Variants in SOWAHC observed in about 807,000 individuals in gnomAD.
The protein encoded by SOWAHC is ankyrin repeat domain-containing protein SOWAHC.
In SOWAHC, 12 loss-of-function variants were observed where a neutral mutation model predicts 14.4. That is an observed-to-expected ratio of 0.83 (90% confidence interval 0.53 to 1.35). The LOEUF is 1.35. SOWAHC is among the 40% of genes most tolerant of loss of function. SOWAHC has a pLI of 0.00. For synonymous variants in SOWAHC, 398 were observed against 347.0 expected, an observed-to-expected ratio of 1.15 and a Z score of -1.63; for missense variants, 771 against 752.8, an observed-to-expected ratio of 1.02 and a Z score of -0.28.
In SOWAHC at chr2:109,616,199, C is replaced by T; in HGVS notation, c.*132C>T. On this transcript the variant is annotated 3_prime_UTR_variant, in exon 1 of 1. Transcript: ENST00000356454. ...ACTTGAGGGATCGGAATGGATGGGG[C>T]GGAGTTCTCTTCAGGCTAGCCTTCT... 7.5e-7 allele frequency: 1 copy of T among 1,330,210 alleles called. No homozygotes were observed. 82.4% of individuals were successfully genotyped at this position (1,330,210 alleles called of 1,614,324 possible).
In SOWAHC at chr2:109,618,940, T is replaced by C. The variant is rs1357397553; in HGVS notation, c.*2873T>C. On this transcript the variant is annotated 3_prime_UTR_variant, in exon 1 of 1. Transcript: ENST00000356454. Reference sequence around the variant, plus strand: ...TTTTAAATAAGTGAAATTTGGGAGATTGTAAAATCTGTAAAGTTTGTTTTG... The same window carrying C: ...TTTTAAATAAGTGAAATTTGGGAGACTGTAAAATCTGTAAAGTTTGTTTTG... The C allele has an allele frequency of 1.2e-5, 2 of 167,096 alleles. No homozygotes were observed. The highest frequency in any genetic ancestry group is 6.5e-5 in the Admixed American group (1 of 15,286). The allele number at this position is 167,096 out of a possible 1,614,324, so 10.4% of individuals were successfully genotyped here.
At position 109,615,015 on chromosome 2, in the gene SOWAHC, C is replaced by A. The variant is rs1700052883; in HGVS notation, c.526C>A (p.Leu176Met). 4 of 1,546,008 alleles carry A rather than the reference C, an allele frequency of 2.6e-6. No homozygotes were observed. The highest frequency in any genetic ancestry group is 2.6e-6 in the Non-Finnish European group (3 of 1,146,510). The change falls in exon 1 of 1, where the codon CTG becomes ATG. Residue 176 changes from leucine to methionine, a missense_variant. Coordinates refer to ENST00000356454, the MANE Select transcript of SOWAHC (RefSeq NM_023016.4). ...TCCAGCCCCGGGGCCCAGCGAGGAC[C>A]TGGAGCTCCCGCCACATGGCTGCGA... is the stretch of plus-strand genomic sequence containing the variant. Reference protein sequence around the residue: ...RTPAPGPSEDLELPPHGCEEA... With the variant: ...RTPAPGPSEDMELPPHGCEEA...
In SOWAHC at chr2:109,615,152, T is replaced by C; in HGVS notation, c.663T>C (p.Cys221=). The C allele has an allele frequency of 6.5e-7, 1 of 1,549,240 alleles. No individual in the cohort carries two copies. Among genetic ancestry groups the C allele is most frequent in the Non-Finnish European group, 8.7e-7 (1 of 1,146,708 alleles). ...CCCCGCAGCTGAAGAGGAGCGTGTG[T>C]CCCGGGGGCAGCAGCCCGGGCAGCT... ...GSSPQLKRSV[C]PGGSSPGSSS... Residue 221 remains cysteine (C), a synonymous_variant, in exon 1 of 1, where the codon TGT becomes TGC. Transcript: ENST00000356454.
At position 109,614,961 on chromosome 2, in the gene SOWAHC, C is replaced by G. The variant is rs1700046446; in HGVS notation, c.472C>G (p.Arg158Gly). 3 of 1,527,440 alleles carry G rather than the reference C, an allele frequency of 2.0e-6. No individual in the cohort carries two copies. The highest frequency in any genetic ancestry group is 5.0e-5 in the East Asian group (2 of 39,940). The allele number at this position is 1,527,440 out of a possible 1,614,324, so 94.6% of individuals were successfully genotyped here. ...LSAGARRKNSRRDVQPLPRTP... is the reference protein window; with the variant it reads ...LSAGARRKNSGRDVQPLPRTP... ...CGCCGGGGCTCGCAGGAAGAACTCGCGGCGCGACGTGCAGCCCCTACCGCG... is the reference window on the plus strand; with the variant it reads ...CGCCGGGGCTCGCAGGAAGAACTCGGGGCGCGACGTGCAGCCCCTACCGCG... Residue 158 changes from arginine (R) to glycine (G), a missense_variant, in exon 1 of 1, where the codon CGG (arginine) becomes GGG (glycine). By Grantham distance (125) the Arg-to-Gly change is moderately radical (BLOSUM62 -2). Coordinates refer to ENST00000356454, the MANE Select transcript of SOWAHC (RefSeq NM_023016.4).
At position 109,616,253 on chromosome 2, in the gene SOWAHC, TC is replaced by T. The variant is rs1700151753; in HGVS notation, c.*187del. ...AAAAGTGGATGTCTTTTTCAGAGAT[TC>T]ATCATACCTTGACCTGTACCTCTTC... On this transcript the variant is annotated 3_prime_UTR_variant, in exon 1 of 1. Transcript: ENST00000356454. 2 of 916,428 alleles carry T rather than the reference TC, an allele frequency of 2.2e-6. No homozygotes were observed. The highest frequency in any genetic ancestry group is 3.0e-6 in the Non-Finnish European group (2 of 672,548). 56.8% of individuals were successfully genotyped at this position (916,428 alleles called of 1,614,324 possible).
rs550070250 is a variant in SOWAHC at position 109,616,400 on chromosome 2, G to C, written c.*333G>C. The C allele has an allele frequency of 1.0e-5, 2 of 195,232 alleles. No individual in the cohort carries two copies. The highest frequency in any genetic ancestry group is 4.7e-5 in the African/African-American group (2 of 42,660). 12.1% of individuals were successfully genotyped at this position (195,232 alleles called of 1,614,324 possible). ...TCCTTTGCTTTAACCATTCCTGGAT[G>C]CCTGCAAAGTAAGGAATAATGCAGT... is the stretch of plus-strand genomic sequence containing the variant. On this transcript the variant is annotated 3_prime_UTR_variant, in exon 1 of 1. Coordinates refer to ENST00000356454, the MANE Select transcript of SOWAHC (RefSeq NM_023016.4).
chr2:109,618,757 C>A lies in SOWAHC; in HGVS notation c.*2690C>A, dbSNP rs1246233046. The A allele has an allele frequency of 6.0e-6, 1 of 166,966 alleles. No homozygotes were observed. The highest frequency in any genetic ancestry group is 1.5e-5 in the Non-Finnish European group (1 of 68,102). The allele number at this position is 166,966 out of a possible 1,614,324, so 10.3% of individuals were successfully genotyped here. A position where few individuals can be genotyped will look rare whatever the true frequency, so the allele number is the denominator to read the frequency against. The stretch of plus-strand genomic sequence containing the variant: ...ATGTGGTTAAAAAACCCAAGTATGT[C>A]CATGTGTTTCTTATAAGGTACACTT... On this transcript the variant is annotated 3_prime_UTR_variant, in exon 1 of 1. Transcript: ENST00000356454.
In SOWAHC at chr2:109,617,515, A is replaced by G. The variant is rs540634214; in HGVS notation, c.*1448A>G. On this transcript the variant is annotated 3_prime_UTR_variant, in exon 1 of 1. Transcript: ENST00000356454. ...TATAAGATTGGAAACAATTTTTGAGAGGGACTAATTTAAACAAGTCCTCCT... is the reference window on the plus strand; with the variant it reads ...TATAAGATTGGAAACAATTTTTGAGGGGGACTAATTTAAACAAGTCCTCCT... 6 of 167,208 alleles carry G rather than the reference A, an allele frequency of 3.6e-5. No homozygotes were observed. The East Asian group carries it at 1.2e-3, about 32-fold the overall frequency. 10.4% of individuals were successfully genotyped at this position (167,208 alleles called of 1,614,324 possible). A position where few individuals can be genotyped will look rare whatever the true frequency, so the allele number is the denominator to read the frequency against.
chr2:109,614,918 G>T lies in SOWAHC; in HGVS notation c.429G>T (p.Ala143=), dbSNP rs1174738139. Residue 143 remains alanine, a synonymous_variant, in exon 1 of 1, where the codon GCG becomes GCT. Coordinates refer to ENST00000356454, the MANE Select transcript of SOWAHC (RefSeq NM_023016.4). ...ELGEGEPPAP[A]HWPPLSAGAR... is the part of the protein sequence containing the mutation. ...GCGAGGGAGAGCCCCCCGCCCCCGCGCACTGGCCGCCCCTGAGCGCCGGGG... is the reference window on the plus strand; with the variant it reads ...GCGAGGGAGAGCCCCCCGCCCCCGCTCACTGGCCGCCCCTGAGCGCCGGGG... 2.0e-6 allele frequency: 3 copies of T among 1,472,502 alleles called. No homozygotes were observed. The highest frequency in any genetic ancestry group is 2.3e-5 in the Admixed American group (1 of 42,574). The allele number at this position is 1,472,502 out of a possible 1,614,324, so 91.2% of individuals were successfully genotyped here.
chr2:109,615,320 T>C lies in SOWAHC; in HGVS notation c.831T>C (p.Asp277=). ...ACGCGTGGATGCTCTCTGCCTCCGATGGCAAGTGGGACAGCCTGGAGGGCT... is the reference window on the plus strand; with the variant it reads ...ACGCGTGGATGCTCTCTGCCTCCGACGGCAAGTGGGACAGCCTGGAGGGCT... ...LEHAWMLSAS[D]GKWDSLEGLL... Residue 277 remains aspartate, a synonymous_variant, in exon 1 of 1, where the codon GAT becomes GAC. Coordinates refer to ENST00000356454, the MANE Select transcript of SOWAHC (RefSeq NM_023016.4). 1 of 1,610,084 alleles carries C rather than the reference T, an allele frequency of 6.2e-7. No individual in the cohort carries two copies. Among genetic ancestry groups the C allele is most frequent in the Non-Finnish European group, 8.5e-7 (1 of 1,178,932 alleles).
In SOWAHC at chr2:109,616,273, C is replaced by T. The variant is rs1700152166; in HGVS notation, c.*206C>T. On this transcript the variant is annotated 3_prime_UTR_variant, in exon 1 of 1. Coordinates refer to ENST00000356454, the MANE Select transcript of SOWAHC (RefSeq NM_023016.4). ...GAGATTCATCATACCTTGACCTGTA[C>T]CTCTTCTCTGCCCTCCACTTCCCTG... is the stretch of plus-strand genomic sequence containing the variant. 1 of 666,258 alleles carries T rather than the reference C, an allele frequency of 1.5e-6. No individual in the cohort carries two copies. The highest frequency in any genetic ancestry group is 2.2e-6 in the Non-Finnish European group (1 of 461,090). 41.3% of individuals were successfully genotyped at this position (666,258 alleles called of 1,614,324 possible). A position where few individuals can be genotyped will look rare whatever the true frequency, so the allele number is the denominator to read the frequency against.
Position 109,618,226 on chromosome 2 carries a change from T to C in SOWAHC, c.*2159T>C, listed in dbSNP as rs1351656494. The C allele has an allele frequency of 6.0e-6, 1 of 166,764 alleles. No homozygotes were observed. The highest frequency in any genetic ancestry group is 1.5e-5 in the Non-Finnish European group (1 of 68,108). 10.3% of individuals were successfully genotyped at this position (166,764 alleles called of 1,614,324 possible). Reference sequence around the variant, plus strand: ...GTCATTTGTTCTAAATCTATACATATTACTTGTATCTAGTGCAGAATAAGC... The same window carrying C: ...GTCATTTGTTCTAAATCTATACATACTACTTGTATCTAGTGCAGAATAAGC... On this transcript the variant is annotated 3_prime_UTR_variant, in exon 1 of 1. Coordinates refer to ENST00000356454, the MANE Select transcript of SOWAHC (RefSeq NM_023016.4).
In SOWAHC at chr2:109,615,062, C is replaced by G. The variant is rs1010267746; in HGVS notation, c.573C>G (p.Ser191=). The change falls in exon 1 of 1, where the codon TCC becomes TCG. Residue 191 remains serine (S), a synonymous_variant. Coordinates refer to ENST00000356454, the MANE Select transcript of SOWAHC (RefSeq NM_023016.4). ...HGCEEADRGS[S]LVGATAQRPA... is the part of the protein sequence containing the mutation. Reference sequence around the variant, plus strand: ...GCGAGGAGGCGGACAGGGGCAGCTCCCTTGTGGGGGCTACCGCACAGAGGC... The same window carrying G: ...GCGAGGAGGCGGACAGGGGCAGCTCGCTTGTGGGGGCTACCGCACAGAGGC... 3 of 1,549,208 alleles carry G rather than the reference C, an allele frequency of 1.9e-6. No individual in the cohort carries two copies. The African/African-American group carries it at 4.1e-5, about 21-fold the overall frequency.
At position 109,614,588 on chromosome 2, in the gene SOWAHC, G is replaced by A; in HGVS notation, c.99G>A (p.Glu33=). 7.0e-7 allele frequency: 1 copy of A among 1,420,034 alleles called. No individual in the cohort carries two copies. The highest frequency in any genetic ancestry group is 9.2e-7 in the Non-Finnish European group (1 of 1,089,008). 88.0% of individuals were successfully genotyped at this position (1,420,034 alleles called of 1,614,324 possible). The change falls in exon 1 of 1, where the codon GAG becomes GAA. Residue 33 remains glutamate (E), a synonymous_variant. Transcript: ENST00000356454. ...AERGGRALHA[E]LVQHFRGALG... is the part of the protein sequence containing the mutation. ...GCGGGGGCCGGGCCCTGCACGCCGA[G>A]CTGGTGCAGCACTTCAGGGGCGCCC... is the stretch of plus-strand genomic sequence containing the variant.
Position 109,614,612 on chromosome 2 carries a change from C to T in SOWAHC, c.123C>T (p.Ala41=), listed in dbSNP as rs1405465500. The change falls in exon 1 of 1, where the codon GCC becomes GCT. Residue 41 remains alanine, a synonymous_variant. Transcript: ENST00000356454. ...AGCTGGTGCAGCACTTCAGGGGCGC[C>T]CTAGGCGGCGAACCGGAGCAGCGCG... ...HAELVQHFRG[A]LGGEPEQRAR... The T allele has an allele frequency of 6.9e-6, 10 of 1,459,060 alleles. No homozygotes were observed. Among genetic ancestry groups the T allele is most frequent in the South Asian group, 1.3e-5 (1 of 76,114 alleles). The allele number at this position is 1,459,060 out of a possible 1,614,324, so 90.4% of individuals were successfully genotyped here.
Position 109,615,225 on chromosome 2 carries a change from T to C in SOWAHC, c.736T>C (p.Ser246Pro). 1 of 1,545,572 alleles carries C rather than the reference T, an allele frequency of 6.5e-7. No homozygotes were observed. The highest frequency in any genetic ancestry group is 8.7e-7 in the Non-Finnish European group (1 of 1,145,956). ...AGGCGGGGGCGACTCAGACAGCGCA[T>C]CGGTGGCCTCGTCGTCCGCGGAGGA... is the stretch of plus-strand genomic sequence containing the variant. The part of the protein sequence containing the change: ...GRGGGDSDSA[S>P]VASSSAEEES... The change falls in exon 1 of 1, where the codon TCG becomes CCG. Residue 246 changes from serine to proline, a missense_variant. Ser to Pro is a moderately conservative substitution (Grantham distance 74). Coordinates refer to ENST00000356454, the MANE Select transcript of SOWAHC (RefSeq NM_023016.4).
Position 109,615,017 on chromosome 2 carries a change from G to A in SOWAHC, c.528G>A (p.Leu176=), listed in dbSNP as rs918858069. 2.6e-6 allele frequency: 4 copies of A among 1,546,058 alleles called. No individual in the cohort carries two copies. The Admixed American group carries it at 7.8e-5, about 30-fold the overall frequency. The change falls in exon 1 of 1, where the codon CTG becomes CTA. Residue 176 remains leucine, a synonymous_variant. Coordinates refer to ENST00000356454, the MANE Select transcript of SOWAHC (RefSeq NM_023016.4). ...RTPAPGPSED[L]ELPPHGCEEA... ...CAGCCCCGGGGCCCAGCGAGGACCT[G>A]GAGCTCCCGCCACATGGCTGCGAGG...
Position 109,616,701 on chromosome 2 carries a change from T to G in SOWAHC, c.*634T>G, listed in dbSNP as rs1038513217. On this transcript the variant is annotated 3_prime_UTR_variant, in exon 1 of 1. Transcript: ENST00000356454. Reference sequence around the variant, plus strand: ...TTATTTTTTTAAAAGCAATTTCAGTTTTAATCACTGAACAAAAGAAACAGG... The same window carrying G: ...TTATTTTTTTAAAAGCAATTTCAGTGTTAATCACTGAACAAAAGAAACAGG... 9 of 167,076 alleles carry G rather than the reference T, an allele frequency of 5.4e-5. No individual in the cohort carries two copies. The highest frequency in any genetic ancestry group is 1.9e-4 in the African/African-American group (8 of 41,456). 10.3% of individuals were successfully genotyped at this position (167,076 alleles called of 1,614,324 possible).
Position 109,615,352 on chromosome 2 carries a change from C to T in SOWAHC, c.863C>T (p.Thr288Ile), listed in dbSNP as rs774707497. 3 of 1,612,670 alleles carry T rather than the reference C, an allele frequency of 1.9e-6. No individual in the cohort carries two copies. In the South Asian group the frequency reaches 3.3e-5, roughly 18 times the overall value. Reference sequence around the variant, plus strand: ...TGGGACAGCCTGGAGGGCTTGCTCACCTGCGAGCCCGGCCTGCTGGTCAAG... The same window carrying T: ...TGGGACAGCCTGGAGGGCTTGCTCATCTGCGAGCCCGGCCTGCTGGTCAAG... ...GKWDSLEGLL[T>I]CEPGLLVKRD... The change falls in exon 1 of 1, where the codon ACC becomes ATC. Residue 288 changes from threonine to isoleucine, a missense_variant. Transcript: ENST00000356454.
Sources: allele counts gnomAD v4.1 joint callset, GRCh38; gene constraint gnomAD v4.1.1; transcripts MANE v1.5; gene names NCBI Gene and HGNC (gene_info 2026-07-23, HGNC 2026-07-21).